The following BRINP3 variants were observed in gnomAD, a reference collection of about 807,000 sequenced individuals.
BRINP3 encodes the protein BMP/retinoic acid inducible neural specific 3, also known as BMP/retinoic acid-inducible neural-specific protein 3.
BRINP3 carries 19 observed loss-of-function variants against 71.0 expected under a neutral mutation model. The ratio of observed to expected loss-of-function variants is 0.27; its 90% CI spans 0.19 to 0.39. BRINP3 has a LOEUF of 0.39. Ranked by LOEUF, BRINP3 falls within the 10% of genes least tolerant of loss-of-function variation. The pLI, the probability that BRINP3 is intolerant of heterozygous loss-of-function variation, is 1.00. For missense variants in BRINP3, 959 were observed against 940.8 expected (o/e 1.02, Z -0.25); for synonymous variants, 380 against 337.7 (o/e 1.13, Z -1.37).
chr1:190,388,420 T>C (rs1423151774), intron 2 of BRINP3, among the ~76,000 whole-genome samples: 1 of 151,780 alleles, frequency 6.6e-6, no homozygotes, highest in African/African-American at 2.4e-5. Context: ...TGAATTAGTG[T>C]GGGCAGTAAT....
intron 6 of BRINP3, among the ~76,000 whole-genome samples, chr1:190,170,026 A>T (rs977860460): frequency 2.0e-4 from 30 of 152,206 alleles, no homozygotes; most frequent in African/African-American, 6.8e-4. Context: ...GAAGTCTGAA[A>T]AAAGTAAGGC....
intron 2 of BRINP3, among the ~76,000 whole-genome samples, chr1:190,419,748 A>C (rs1673245952): frequency 6.6e-6 from 1 of 151,590 alleles, no homozygotes; most frequent in Non-Finnish European, 1.5e-5. Flanking sequence ...CACAACACAC[A>C]TTAACTTTCT....
intron 6 of BRINP3, among the ~76,000 whole-genome samples, chr1:190,165,712 A>C (rs760420222): frequency 4.5e-4 from 69 of 151,944 alleles, no homozygotes; most frequent in Non-Finnish European, 9.6e-4. Flanking sequence ...ATTCTAGCAA[A>C]TAAGTTAATC....
rs1384039755 is a variant in BRINP3, at chr1:190,097,973, T to C, written c.*45A>G. The C allele has an allele frequency of 1.5e-5, 23 of 1,540,322 alleles. No individual in the cohort carries two copies. Among genetic ancestry groups the C allele is most frequent in the African/African-American group, 2.8e-5 (2 of 72,040 alleles). On this transcript the variant is annotated 3_prime_UTR_variant, in exon 8 of 8. Coordinates refer to ENST00000367462, the MANE Select transcript of BRINP3 (RefSeq NM_199051.3). ...AACATAAACTGTTCCACAAAAGCAC[T>C]GTAAAAACTCCTTCAAGATTTTGGG...
intron 6 of BRINP3, among the ~76,000 whole-genome samples, chr1:190,163,540 A>T (rs748678817): frequency 4.6e-5 from 7 of 152,082 alleles, no homozygotes; most frequent in Non-Finnish European, 8.8e-5. Context: ...GGGAATAAAC[A>T]TCATCTAAGC....
intron 2 of BRINP3, among the ~76,000 whole-genome samples, chr1:190,326,316 C>T (rs1666576281): frequency 6.6e-6 from 1 of 151,992 alleles, no homozygotes; most frequent in Admixed American, 6.6e-5. Flanking sequence ...GAATTATTGG[C>T]ATTCCTGAGA....
chr1:190,457,826 A>G (rs936495172), intron 1 of BRINP3, among the ~76,000 whole-genome samples: 8 of 151,796 alleles, frequency 5.3e-5, no homozygotes, highest in African/African-American at 1.9e-4. Context: ...CAATTCTGTA[A>G]TTTTTCAATA....
intron 2 of BRINP3, among the ~76,000 whole-genome samples, chr1:190,353,906 ATGC>A (rs1469225308): frequency 6.6e-6 from 1 of 151,908 alleles, no homozygotes; most frequent in African/African-American, 2.4e-5. Context: ...TTATCAGCTG[ATGC>A]TTTCACTCTT....
chr1:190,359,645 A>G (rs1669001674), intron 2 of BRINP3, among the ~76,000 whole-genome samples: 1 of 152,038 alleles, frequency 6.6e-6, no homozygotes, highest in African/African-American at 2.4e-5. Flanking sequence ...CTGAACCTCA[A>G]ACCTGTGGGA....
At chr1:190,241,037 A>G (rs1361095148) in intron 4 of BRINP3, among the ~76,000 whole-genome samples, 1 of 151,974 alleles carries the variant, frequency 6.6e-6, no homozygotes, top group African/African-American at 2.4e-5. Context: ...CCTTTAATTA[A>G]CTATAAACTC....
At chr1:190,286,104 T>G (rs1663406183) in intron 2 of BRINP3, among the ~76,000 whole-genome samples, 1 of 152,156 alleles carries the variant, frequency 6.6e-6, no homozygotes, top group African/African-American at 2.4e-5. Context: ...GTAACCAGTT[T>G]AACCAGAACA....
At position 190,274,271 on chromosome 1, in the gene BRINP3, G is replaced by A. The variant is rs540669617; in HGVS notation, c.427+7289C>T. On this transcript the variant is annotated intron_variant, in intron 3 of 7. Transcript: ENST00000367462. ...TGTCTTTTTTTTTTACTACCATGAG[G>A]CTGACTCTTATGAGTTGGATGTATT... Among the ~76,000 whole-genome samples the A allele has an allele frequency of 1.2e-4, 18 of 151,402 alleles. No homozygotes were observed. The South Asian group carries it at 3.7e-3, about 31-fold the overall frequency.
chr1:190,116,128 A>AT (rs1015684292), intron 7 of BRINP3, among the ~76,000 whole-genome samples: 3 of 152,076 alleles, frequency 2.0e-5, no homozygotes, highest in South Asian at 2.1e-4. Flanking sequence ...TATACTTGAT[A>AT]TTTTTTATCC....
In BRINP3 at chr1:190,108,149, C is replaced by T. The variant is rs188524038; in HGVS notation, c.1185-9015G>A. ...CTTCTAGGAATCCTTGATAGGTGAA[C>T]TTCATCGATCAAAAATGTCACCCAA... On this transcript the variant is annotated intron_variant, in intron 7 of 7. Coordinates refer to ENST00000367462, the MANE Select transcript of BRINP3 (RefSeq NM_199051.3). 1.8e-3 allele frequency among the ~76,000 whole-genome samples: 279 copies of T among 152,072 alleles called. 2 individuals are homozygous for T. Among genetic ancestry groups the T allele is most frequent in the Admixed American group, 4.3e-3 (66 of 15,266 alleles).
intron 2 of BRINP3, among the ~76,000 whole-genome samples, chr1:190,314,776 C>T (rs952983797): frequency 1.3e-5 from 2 of 152,080 alleles, no homozygotes; most frequent in African/African-American, 2.4e-5. Flanking sequence ...GCAATCAAAA[C>T]AAATCAAATC....
intron 6 of BRINP3, among the ~76,000 whole-genome samples, chr1:190,168,298 A>G (rs1192800938): frequency 2.0e-5 from 3 of 152,140 alleles, no homozygotes; most frequent in Non-Finnish European, 4.4e-5. Context: ...GTCTTATCAA[A>G]TTCTCAGCCC....
chr1:190,338,114 T>C (rs963821015), intron 2 of BRINP3, among the ~76,000 whole-genome samples: 2 of 152,086 alleles, frequency 1.3e-5, no homozygotes, highest in Non-Finnish European at 2.9e-5. Flanking sequence ...AGGAAAAACG[T>C]TGCAAATCTA....
At chr1:190,283,675 A>G (rs938624350) in intron 2 of BRINP3, among the ~76,000 whole-genome samples, 1 of 149,198 alleles carries the variant, frequency 6.7e-6, no homozygotes, top group African/African-American at 2.4e-5. Context: ...ATATAAATAA[A>G]AATTTAAACA....
At chr1:190,453,201 G>GTTTTTTTTTTTTTTTTTTTTTTTT (rs745819844) in intron 2 of BRINP3, among the ~76,000 whole-genome samples, 1 of 37,852 alleles carries the variant, frequency 2.6e-5, no homozygotes, top group African/African-American at 7.8e-5. Flanking sequence ...AAAAACTTTA[G>GTTTTTTTTTTTTTTTTTTTTTTTT]TATTTTTTTT....
Sources: gnomAD v4.1 joint callset for allele counts (sites outside exome capture counted in the v4.1 genomes callset) on GRCh38, gnomAD v4.1.1 for gene constraint, MANE v1.5 for transcripts, NCBI Gene and HGNC (gene_info 2026-07-23, HGNC 2026-07-21) for gene names.